CLCN4: variants seen among roughly 807,000 people sequenced by gnomAD.
The protein encoded by CLCN4 is H(+)/Cl(-) exchange transporter 4.
Under a neutral mutation model 41.7 loss-of-function variants are expected in CLCN4, and 1 was observed. The observed-to-expected ratio is 0.02, with a 90% CI of 0.01 to 0.11. The LOEUF is 0.11. Ranked by LOEUF, CLCN4 falls within the 10% of genes least tolerant of loss-of-function variation. CLCN4 has a pLI of 1.00. For synonymous variants in CLCN4, 277 were observed against 285.8 expected (o/e 0.97, Z 0.31); for missense variants, 287 against 661.0 (o/e 0.43, Z 6.20).
intron 6 of CLCN4, among the ~76,000 whole-genome samples, chrX:10,200,030 C>A (rs1041668203): frequency 8.9e-6 from 1 of 111,806 alleles, no homozygotes; most frequent in Non-Finnish European, 1.9e-5. Context: ...GGATTACAGG[C>A]GTGAGCCGCC....
intron 12 of CLCN4, among the ~76,000 whole-genome samples, chrX:10,229,801 A>G (rs1459576764): frequency 3.6e-5 from 4 of 111,757 alleles, no homozygotes; most frequent in African/African-American, 1.3e-4. Context: ...TCATTGTTGG[A>G]CATTTGGGTT....
chrX:10,206,788 C>G lies in CLCN4; in HGVS notation c.843+12C>G. On this transcript the variant is annotated intron_variant, in intron 8 of 12. Coordinates refer to ENST00000380833, the MANE Select transcript of CLCN4 (RefSeq NM_001830.4). ...TCAGTCTAGAAGAGGTGAGAATGGG[C>G]AGCTGAGGGAATTCGTGATTTTGAG... 8.7e-7 allele frequency: 1 copy of G among 1,150,583 alleles called. No individual in the cohort carries two copies. The highest frequency in any genetic ancestry group is 1.2e-6 in the Non-Finnish European group (1 of 856,154). 94.8% of individuals were successfully genotyped at this position (1,150,583 alleles called of 1,213,427 possible). A position where few individuals can be genotyped will look rare whatever the true frequency, so the allele number is the denominator to read the frequency against.
At chrX:10,229,397 A>G (rs1340542800) in intron 12 of CLCN4, among the ~76,000 whole-genome samples, 3 of 108,782 alleles carry the variant, frequency 2.8e-5, no homozygotes, top group African/African-American at 1.0e-4. Flanking sequence ...ATATATATAT[A>G]TATATATTTT....
chrX:10,235,521 C>T lies in CLCN4; in HGVS notation c.*1937C>T, dbSNP rs1925229453. On this transcript the variant is annotated 3_prime_UTR_variant, in exon 13 of 13. Coordinates refer to ENST00000380833, the MANE Select transcript of CLCN4 (RefSeq NM_001830.4). Reference sequence around the variant, plus strand: ...CCTTCCGGTTTTCATTCTTGCTAAACCCCTGTGAATGTTCTTCTAACCTTC... The same window carrying T: ...CCTTCCGGTTTTCATTCTTGCTAAATCCCTGTGAATGTTCTTCTAACCTTC... 3 of 111,609 alleles carry T rather than the reference C, an allele frequency of 2.7e-5. No homozygotes were observed. The highest frequency in any genetic ancestry group is 5.6e-5 in the Non-Finnish European group (3 of 53,167). The allele number at this position is 111,609 out of a possible 1,213,427, so 9.2% of individuals were successfully genotyped here. A position where few individuals can be genotyped will look rare whatever the true frequency, so the allele number is the denominator to read the frequency against.
At chrX:10,220,550 C>T in intron 11 of CLCN4, 111 bp from the exon 12 acceptor site, 1 of 597,124 alleles carries the variant, frequency 1.7e-6, no homozygotes, top group Middle Eastern at 3.7e-4. Flanking sequence ...GTGGTTCATC[C>T]TCCAAACCCC....
At chrX:10,185,258 C>G in intron 3 of CLCN4, 82 bp downstream of exon 3, 1 of 1,015,977 alleles carries the variant, frequency 9.8e-7, no homozygotes, top group Non-Finnish European at 1.3e-6. Context: ...GGCTTAGGTC[C>G]ACGTACGTGT....
intron 2 of CLCN4, among the ~76,000 whole-genome samples, chrX:10,172,186 A>G (rs1446611142): frequency 8.9e-6 from 1 of 112,228 alleles, no homozygotes; most frequent in Non-Finnish European, 1.9e-5. Context: ...ATCTCATTCA[A>G]GGGACAAGGG....
At chrX:10,189,377 G>T (rs5978379) in intron 4 of CLCN4, among the ~76,000 whole-genome samples, 6,102 of 111,042 alleles carry the variant, frequency 0.055, 407 homozygotes, top group African/African-American at 0.18. Context: ...TCACGAGGGG[G>T]AATTAAAAAC....
chrX:10,177,663 A>C (rs1417403689), intron 2 of CLCN4, among the ~76,000 whole-genome samples: 1 of 111,944 alleles, frequency 8.9e-6, no homozygotes, highest in Non-Finnish European at 1.9e-5. Context: ...GCATTTTACG[A>C]ATACATGTTT....
At chrX:10,186,006 G>A (rs1602145546) in intron 3 of CLCN4, among the ~76,000 whole-genome samples, 1 of 111,471 alleles carries the variant, frequency 9.0e-6, no homozygotes, top group African/African-American at 3.3e-5. Context: ...AGGATGGAGA[G>A]GTATTTTGAG....
intron 6 of CLCN4, among the ~76,000 whole-genome samples, chrX:10,203,655 C>T (rs1924299256): frequency 9.0e-6 from 1 of 111,700 alleles, no homozygotes; most frequent in Non-Finnish European, 1.9e-5. Context: ...TCAAGCAGTG[C>T]TCTCCACCTG....
In CLCN4 at chrX:10,198,012, C is replaced by G; in HGVS notation, c.506C>G (p.Ser169Cys). Residue 169 changes from serine (S) to cysteine (C), a missense_variant, in exon 6 of 13, where the codon TCC becomes TGC. Transcript: ENST00000380833. ...CTGCTGTTTGCATTTTTGGCTGTCT[C>G]CCTGGTGCGTGTATTTGCACCATAT... The part of the protein sequence containing the change: ...WALLFAFLAV[S>C]LVRVFAPYAC... The G allele has an allele frequency of 8.3e-7, 1 of 1,210,480 alleles. No individual in the cohort carries two copies. Among genetic ancestry groups the G allele is most frequent in the Non-Finnish European group, 1.1e-6 (1 of 894,630 alleles).
chrX:10,167,414 C>G (rs776431240), intron 2 of CLCN4, among the ~76,000 whole-genome samples: 1 of 112,338 alleles, frequency 8.9e-6, no homozygotes, highest in South Asian at 3.7e-4. Flanking sequence ...CAGTGAAAAG[C>G]TTTTGTATTG....
chrX:10,197,755 C>T (rs767417622), intron 5 of CLCN4, among the ~76,000 whole-genome samples, 184 bp from the exon 6 acceptor site: 1 of 111,807 alleles, frequency 8.9e-6, no homozygotes, highest in African/African-American at 3.3e-5. Flanking sequence ...TTTGTGTGTA[C>T]TGACTGTAGC....
At chrX:10,204,709 T>TAGTGGGCC (rs1323669567) in intron 6 of CLCN4, among the ~76,000 whole-genome samples, 1 of 97,330 alleles carries the variant, frequency 1.0e-5, no homozygotes, top group Non-Finnish European at 2.0e-5. Context: ...CAAAAATAGG[T>TAGTGGGCC]AGTGGGCCAG....
intron 2 of CLCN4, among the ~76,000 whole-genome samples, chrX:10,161,006 G>A (rs1393006943): frequency 9.0e-6 from 1 of 111,206 alleles, no homozygotes; most frequent in Non-Finnish European, 1.9e-5. Context: ...TGTTTACTAT[G>A]TGTGTGTATG....
At chrX:10,210,053 C>T (rs1485582530) in intron 9 of CLCN4, among the ~76,000 whole-genome samples, 2 of 111,620 alleles carry the variant, frequency 1.8e-5, no homozygotes, top group African/African-American at 3.3e-5. Flanking sequence ...TCTCTAGATT[C>T]GCCTATTTTG....
chrX:10,198,646 A>G (rs940882285), intron 6 of CLCN4, among the ~76,000 whole-genome samples: 1 of 112,059 alleles, frequency 8.9e-6, no homozygotes, highest in Non-Finnish European at 1.9e-5. Context: ...TCTTATAAAT[A>G]GTTTTCAGCA....
At chrX:10,206,071 G>A (rs1442906026) in intron 6 of CLCN4, among the ~76,000 whole-genome samples, 1 of 111,872 alleles carries the variant, frequency 8.9e-6, no homozygotes, top group Non-Finnish European at 1.9e-5. Context: ...AAAAGGTAAT[G>A]TGAACAGGAT....
Sources: allele counts gnomAD v4.1 joint callset (sites outside exome capture counted in the v4.1 genomes callset), GRCh38; gene constraint gnomAD v4.1.1; transcripts MANE v1.5; gene names NCBI Gene and HGNC (gene_info 2026-07-23, HGNC 2026-07-21).